The following PRKCZ variants were observed in gnomAD, a reference collection of about 807,000 sequenced individuals.
The protein encoded by PRKCZ is protein kinase C zeta.
In PRKCZ, 33 loss-of-function variants were observed where a neutral mutation model predicts 79.5. The ratio of observed to expected loss-of-function variants is 0.41; its 90% CI spans 0.31 to 0.55. The LOEUF is 0.55. Among genes scored for constraint, PRKCZ ranks in the 20% least tolerant of loss-of-function variants. PRKCZ has a pLI of 0.19. For missense variants in PRKCZ, 578 were observed against 813.5 expected, an observed-to-expected ratio of 0.71 and a Z score of 3.52; for synonymous variants, 342 against 320.9, an observed-to-expected ratio of 1.07 and a Z score of -0.70.
intron 4 of PRKCZ, among the ~76,000 whole-genome samples, chr1:2,084,484 C>T (rs1457528532): frequency 6.6e-6 from 1 of 152,240 alleles, no homozygotes; most frequent in African/African-American, 2.4e-5. Flanking sequence ...GCCGCTTCAC[C>T]ATATGGCAGA....
Position 2,097,898 on chromosome 1 carries a change from C to T in PRKCZ, c.335-37364C>T, listed in dbSNP as rs12065921. ...TGAACGAGGGAGGTGGAGGTCTCAT[C>T]CTAACGCAGCCAGTCCCTGCTGCTG... On this transcript the variant is annotated intron_variant, in intron 4 of 17. Transcript: ENST00000378567. Among the ~76,000 whole-genome samples, 1,065 of 152,378 alleles carry T rather than the reference C, an allele frequency of 7.0e-3. 16 individuals are homozygous for T. The highest frequency in any genetic ancestry group is 0.024 in the African/African-American group (996 of 41,582).
At chr1:2,140,883 G>A (rs369217726) in intron 5 of PRKCZ, among the ~76,000 whole-genome samples, 93 of 152,304 alleles carry the variant, frequency 6.1e-4, no homozygotes, top group African/African-American at 2.2e-3. Flanking sequence ...CAGGAGAATC[G>A]CTTGAACCCA....
chr1:2,154,873 A>G (rs2459984), intron 9 of PRKCZ, among the ~76,000 whole-genome samples: 71,504 of 152,028 alleles, frequency 0.47, 18,059 homozygotes, highest in African/African-American at 0.67. Context: ...TGACAGTCCT[A>G]TGGCTGAAGC....
At chr1:2,155,474 G>C (rs899008133) in intron 9 of PRKCZ, among the ~76,000 whole-genome samples, 1 of 151,836 alleles carries the variant, frequency 6.6e-6, no homozygotes, top group Non-Finnish European at 1.5e-5. Flanking sequence ...TGATGATGAC[G>C]GTGGTGATGA....
intron 8 of PRKCZ, among the ~76,000 whole-genome samples, chr1:2,150,117 G>A (rs1295958098): frequency 6.8e-6 from 1 of 146,884 alleles, no homozygotes; most frequent in African/African-American, 2.6e-5. Context: ...AGTCGAGATC[G>A]TGCCACTGCA....
At chr1:2,132,802 G>A (rs565937941) in intron 4 of PRKCZ, among the ~76,000 whole-genome samples, 2 of 152,328 alleles carry the variant, frequency 1.3e-5, no homozygotes, top group South Asian at 4.1e-4. Context: ...TCTCTGAGGG[G>A]CCTAGTGTGT....
At position 2,172,446 on chromosome 1, in the gene PRKCZ, C is replaced by T. The variant is rs1684617366; in HGVS notation, c.1285+58C>T. The T allele has an allele frequency of 6.5e-7, 1 of 1,533,326 alleles. No homozygotes were observed. The highest frequency in any genetic ancestry group is 1.2e-5 in the South Asian group (1 of 83,122). The allele number at this position is 1,533,326 out of a possible 1,614,324, so 95.0% of individuals were successfully genotyped here. ...ACACAGGGCCAGAGATGGCTTCGGGCCTGGCCCAGCAGCCAGGGAGAGGTG... is the reference window on the plus strand; with the variant it reads ...ACACAGGGCCAGAGATGGCTTCGGGTCTGGCCCAGCAGCCAGGGAGAGGTG... On this transcript the variant is annotated intron_variant, in intron 13 of 17. Coordinates refer to ENST00000378567, the MANE Select transcript of PRKCZ (RefSeq NM_002744.6). The surrounding 1 kb of genome is among the most constrained non-coding windows in gnomAD (Gnocchi z 7.8).
intron 4 of PRKCZ, among the ~76,000 whole-genome samples, chr1:2,097,068 C>T (rs1458201882): frequency 6.6e-6 from 1 of 152,238 alleles, no homozygotes; most frequent in Non-Finnish European, 1.5e-5. Flanking sequence ...GACTCCGACT[C>T]CATTCTTCAG....
intron 4 of PRKCZ, among the ~76,000 whole-genome samples, chr1:2,110,837 C>T (rs1290776223): frequency 6.6e-6 from 1 of 151,892 alleles, no homozygotes; most frequent in African/African-American, 2.4e-5. Flanking sequence ...CAGTAGAGTC[C>T]CTGTAGGGGC....
intron 4 of PRKCZ, among the ~76,000 whole-genome samples, chr1:2,072,098 A>T (rs1478490880): frequency 6.6e-6 from 1 of 152,246 alleles, no homozygotes; most frequent in African/African-American, 2.4e-5. Flanking sequence ...TGGGAAGTCG[A>T]GTGAAACGCA....
intron 16 of PRKCZ, chr1:2,181,827 G>A (rs262689): frequency 0.12 from 54,100 of 455,694 alleles, 4,249 homozygotes; most frequent in Admixed American, 0.21. Flanking sequence ...ACATTTTATC[G>A]GCAGGTGTTT....
At chr1:2,152,595 A>C (rs373918342) in intron 9 of PRKCZ, among the ~76,000 whole-genome samples, 9 of 152,368 alleles carry the variant, frequency 5.9e-5, no homozygotes, top group African/African-American at 2.2e-4. Flanking sequence ...ATTGAGATAC[A>C]GAGTTGAGCA....
intron 4 of PRKCZ, among the ~76,000 whole-genome samples, chr1:2,115,315 C>T (rs1175248622): frequency 6.6e-6 from 1 of 152,244 alleles, no homozygotes; most frequent in Non-Finnish European, 1.5e-5. Context: ...CGGCTTTTGG[C>T]CACAGACATC....
chr1:2,136,048 C>A (rs545280514), intron 5 of PRKCZ, among the ~76,000 whole-genome samples: 4 of 152,118 alleles, frequency 2.6e-5, no homozygotes, highest in African/African-American at 9.7e-5. Flanking sequence ...CACAGAGCCC[C>A]TGACAGCCCC....
rs1684839642 is a variant in PRKCZ at position 2,173,373 on chromosome 1, CA to C, written c.1286-523del. Among the ~76,000 whole-genome samples, 1 of 152,102 alleles carries C rather than the reference CA, an allele frequency of 6.6e-6. No homozygotes were observed. Among genetic ancestry groups the C allele is most frequent in the South Asian group, 2.1e-4 (1 of 4,824 alleles). ...GGCAGCGTCTCACCTCAGCAGGGACCAGGGGGACTTCCGGGGACGCAGAGAC... is the reference window on the plus strand; with the variant it reads ...GGCAGCGTCTCACCTCAGCAGGGACCGGGGGACTTCCGGGGACGCAGAGAC... On this transcript the variant is annotated intron_variant, in intron 13 of 17. Coordinates refer to ENST00000378567, the MANE Select transcript of PRKCZ (RefSeq NM_002744.6). This position sits in a 1 kb window ranked among gnomAD's most constrained non-coding sequence, Gnocchi z 5.7.
chr1:2,052,276 CCT>C (rs1659742463), intron 1 of PRKCZ, among the ~76,000 whole-genome samples: 1 of 152,170 alleles, frequency 6.6e-6, no homozygotes, highest in Admixed American at 6.5e-5. Context: ...CCCCGTCCTC[CCT>C]CTGCCTTGCT....
intron 10 of PRKCZ, among the ~76,000 whole-genome samples, chr1:2,160,238 C>CGCGTGT (rs71578361): frequency 1.8e-4 from 26 of 146,472 alleles, no homozygotes; most frequent in African/African-American, 6.4e-4. Context: ...CAGCAGTGTG[C>CGCGTGT]GTGTGTGTGT....
chr1:2,184,740 C>T, intron 17 of PRKCZ, 42 bp downstream of exon 17: 1 of 1,571,780 alleles, frequency 6.4e-7, no homozygotes, highest in African/African-American at 1.4e-5. Context: ...ACCCCTCGGG[C>T]AGCCCCATGG....
chr1:2,070,167 T>A (rs189235659), intron 4 of PRKCZ, among the ~76,000 whole-genome samples: 3 of 151,960 alleles, frequency 2.0e-5, no homozygotes, highest in African/African-American at 7.3e-5. Flanking sequence ...CCCTGTGCAT[T>A]TCATGTTGTT....
Sources: gnomAD v4.1 joint callset for allele counts (sites outside exome capture counted in the v4.1 genomes callset) on GRCh38, gnomAD v4.1.1 for gene constraint, Gnocchi (gnomAD v3.1) non-coding constraint, MANE v1.5 for transcripts, NCBI Gene and HGNC (gene_info 2026-07-23, HGNC 2026-07-21) for gene names.